ANO2: variants seen among roughly 807,000 people sequenced by gnomAD.
ANO2 encodes the protein anoctamin 2, also known as anoctamin-2.
A neutral mutation model predicts 124.2 loss-of-function variants in ANO2; 101 were observed. The observed-to-expected ratio is 0.81, with a 90% CI of 0.69 to 0.96. The LOEUF is 0.96. ANO2 is among the 40% of genes least tolerant of loss of function. The pLI is 0.00. For synonymous variants in ANO2, 486 were observed against 482.5 expected (o/e 1.01, Z -0.09); for missense variants, 1,293 against 1,274.5 (o/e 1.01, Z -0.22).
chr12:5,768,591 G>A (rs1212341952), intron 10 of ANO2, among the ~76,000 whole-genome samples: 2 of 152,168 alleles, frequency 1.3e-5, no homozygotes, highest in African/African-American at 4.8e-5. Flanking sequence ...GTGCACGGAG[G>A]ACTCACAGCC....
At chr12:5,657,234 C>T (rs1947204164) in intron 14 of ANO2, among the ~76,000 whole-genome samples, 1 of 152,122 alleles carries the variant, frequency 6.6e-6, no homozygotes, top group South Asian at 2.1e-4. Flanking sequence ...AAGGCTAAAG[C>T]CCAGGTTCAA....
At chr12:5,926,531 C>A (rs1451070222) in intron 1 of ANO2, among the ~76,000 whole-genome samples, 4 of 151,990 alleles carry the variant, frequency 2.6e-5, no homozygotes, top group Admixed American at 2.6e-4. Flanking sequence ...CACACCAGCT[C>A]CCCAGCCCAG....
At chr12:5,691,951 T>C (rs941988976) in intron 14 of ANO2, among the ~76,000 whole-genome samples, 7 of 151,048 alleles carry the variant, frequency 4.6e-5, no homozygotes, top group Non-Finnish European at 1.0e-4. Flanking sequence ...AGGTGAAGCA[T>C]GGAAGGGAAG....
intron 3 of ANO2, among the ~76,000 whole-genome samples, chr12:5,867,787 A>AAC (rs1188092456): frequency 2.0e-5 from 3 of 150,862 alleles, no homozygotes; most frequent in Non-Finnish European, 4.4e-5. Context: ...TGAAAAAAAA[A>AAC]AAAAAAAAAA....
At chr12:5,930,315 C>T (rs1429655849) in intron 1 of ANO2, among the ~76,000 whole-genome samples, 1 of 152,114 alleles carries the variant, frequency 6.6e-6, no homozygotes, top group South Asian at 2.1e-4. Context: ...AAATACTGCA[C>T]GTATATCATC....
chr12:5,839,797 A>G (rs773430960), intron 4 of ANO2, among the ~76,000 whole-genome samples: 2 of 152,172 alleles, frequency 1.3e-5, no homozygotes, highest in African/African-American at 2.4e-5. Context: ...TACCTTATAG[A>G]TGAGAACACT....
At chr12:5,785,242 T>C (rs1486929915) in intron 10 of ANO2, among the ~76,000 whole-genome samples, 1 of 151,734 alleles carries the variant, frequency 6.6e-6, no homozygotes, top group Non-Finnish European at 1.5e-5. Flanking sequence ...GGTGAAGACT[T>C]AGGATTATTG....
intron 14 of ANO2, among the ~76,000 whole-genome samples, chr12:5,698,710 C>T (rs990041983): frequency 2.0e-5 from 3 of 152,146 alleles, no homozygotes; most frequent in African/African-American, 4.8e-5. Flanking sequence ...AAAGACTAGA[C>T]GAATGGCTAA....
intron 3 of ANO2, among the ~76,000 whole-genome samples, chr12:5,868,861 C>T (rs1043723259): frequency 7.2e-6 from 1 of 139,450 alleles, no homozygotes; most frequent in Non-Finnish European, 1.5e-5. Flanking sequence ...GCTCTGCAAA[C>T]AGCACCAGAG....
chr12:5,702,573 C>CAA (rs56905348), intron 14 of ANO2, among the ~76,000 whole-genome samples: 4 of 144,476 alleles, frequency 2.8e-5, no homozygotes, highest in African/African-American at 2.6e-5. Flanking sequence ...CCAAAAAATG[C>CAA]AAAAAAAAAA....
intron 3 of ANO2, among the ~76,000 whole-genome samples, chr12:5,912,888 G>C (rs1443663584): frequency 6.6e-6 from 1 of 152,196 alleles, no homozygotes; most frequent in Non-Finnish European, 1.5e-5. Context: ...GCATGGCAGC[G>C]TCACGAATAA....
chr12:5,767,452 T>C (rs887546443), intron 10 of ANO2, among the ~76,000 whole-genome samples: 2 of 152,158 alleles, frequency 1.3e-5, no homozygotes, highest in Non-Finnish European at 2.9e-5. Context: ...ACCTCCAAGA[T>C]ACTATAAATG....
intron 16 of ANO2, among the ~76,000 whole-genome samples, chr12:5,634,939 C>T (rs1487807047): frequency 6.6e-6 from 1 of 152,180 alleles, no homozygotes; most frequent in African/African-American, 2.4e-5. Flanking sequence ...AGGACTTGAT[C>T]AAGAACATTA....
chr12:5,927,550 T>C (rs1022408008), intron 1 of ANO2, among the ~76,000 whole-genome samples: 1 of 152,230 alleles, frequency 6.6e-6, no homozygotes, highest in Non-Finnish European at 1.5e-5. Context: ...TTCTGTGCCC[T>C]GTATTCCACC....
At chr12:5,745,607 G>T (rs1951243055) in intron 11 of ANO2, among the ~76,000 whole-genome samples, 1 of 152,170 alleles carries the variant, frequency 6.6e-6, no homozygotes, top group Admixed American at 6.5e-5. Flanking sequence ...AAGGGTGGCA[G>T]ATTTACTGAG....
At chr12:5,795,043 G>C (rs1464798512) in intron 10 of ANO2, among the ~76,000 whole-genome samples, 2 of 152,272 alleles carry the variant, frequency 1.3e-5, no homozygotes, top group Admixed American at 1.3e-4. Context: ...AGTTCAGGAG[G>C]GTGGAAGCAG....
intron 20 of ANO2, among the ~76,000 whole-genome samples, chr12:5,593,234 A>G (rs1213749538): frequency 6.6e-6 from 1 of 152,210 alleles, no homozygotes; most frequent in Non-Finnish European, 1.5e-5. Context: ...GTAATAGCCC[A>G]AGGGCCTCAA....
Position 5,578,579 on chromosome 12 carries a change from G to C in ANO2, c.2234-61C>G. 1.9e-6 allele frequency: 3 copies of C among 1,540,514 alleles called. No individual in the cohort carries two copies. The South Asian group carries it at 3.6e-5, about 19-fold the overall frequency. The stretch of plus-strand genomic sequence containing the variant: ...ACAAGCAGGACTCAGGTCCCTTCTG[G>C]CTTGCAGCTACAGCCCCTTGTCCTT... On this transcript the variant is annotated intron_variant, in intron 20 of 24. Transcript: ENST00000682330.
chr12:5,933,299 T>G (rs1942509266), intron 1 of ANO2, among the ~76,000 whole-genome samples: 1 of 152,196 alleles, frequency 6.6e-6, no homozygotes, highest in African/African-American at 2.4e-5. Context: ...TGATCTGCTT[T>G]TTTATTTGCC....
Sources: allele counts gnomAD v4.1 joint callset (sites outside exome capture counted in the v4.1 genomes callset), GRCh38; gene constraint gnomAD v4.1.1; transcripts MANE v1.5; gene names NCBI Gene and HGNC (gene_info 2026-07-23, HGNC 2026-07-21).